Variants in MAGI1 observed in about 807,000 individuals in gnomAD.
MAGI1 encodes the protein membrane-associated guanylate kinase, WW and PDZ domain-containing protein 1.
MAGI1 carries 58 observed loss-of-function variants against 139.9 expected under a neutral mutation model. That is an observed-to-expected ratio of 0.41 (90% confidence interval 0.34 to 0.52). MAGI1 has a LOEUF of 0.52. MAGI1 is among the 20% of genes least tolerant of loss of function. The pLI is 0.12. For missense variants in MAGI1, 1,874 were observed against 1,901.6 expected, an observed-to-expected ratio of 0.99 and a Z score of 0.27; for synonymous variants, 812 against 737.9, an observed-to-expected ratio of 1.10 and a Z score of -1.63.
At chr3:65,795,085 A>T (rs776508207) in intron 1 of MAGI1, among the ~76,000 whole-genome samples, 2 of 152,246 alleles carry the variant, frequency 1.3e-5, no homozygotes, top group Non-Finnish European at 2.9e-5. Flanking sequence ...AAACAGTTTG[A>T]CACTTTCTTA....
chr3:65,563,820 T>A (rs2080479411), intron 2 of MAGI1, among the ~76,000 whole-genome samples: 1 of 152,210 alleles, frequency 6.6e-6, no homozygotes, highest in South Asian at 2.1e-4. Context: ...AGACAAATAT[T>A]GCTGGCAATT....
intron 2 of MAGI1, among the ~76,000 whole-genome samples, chr3:65,587,599 A>C (rs1354692350): frequency 7.2e-6 from 1 of 138,872 alleles, no homozygotes; most frequent in East Asian, 2.1e-4. Context: ...CCCAGCTTCC[A>C]CCTCTCAAGT....
chr3:65,678,996 C>T (rs554759145), intron 1 of MAGI1, among the ~76,000 whole-genome samples: 1 of 152,178 alleles, frequency 6.6e-6, no homozygotes, highest in East Asian at 1.9e-4. Flanking sequence ...TGACAGAATC[C>T]TTTTTTACTT....
chr3:65,611,198 T>C (rs1009066319), intron 2 of MAGI1, among the ~76,000 whole-genome samples: 1 of 141,758 alleles, frequency 7.1e-6, no homozygotes, highest in African/African-American at 2.5e-5. Flanking sequence ...GGTATATATG[T>C]GTGTATACAC....
Position 65,775,502 on chromosome 3 carries a change from C to CAA in MAGI1, c.314-153416_314-153415dup, listed in dbSNP as rs9311958. On this transcript the variant is annotated intron_variant, in intron 1 of 22. Transcript: ENST00000402939. ...TTTTTTCTCTTCTCACCCACTCTGC[C>CAA]AAAAAAAAAAAAAAAAAAAAAAAAA... 5.7e-4 allele frequency among the ~76,000 whole-genome samples: 21 copies of CAA among 36,602 alleles called. 1 individual carries two copies. Among genetic ancestry groups the CAA allele is most frequent in the South Asian group, 3.7e-3 (2 of 542 alleles). 24.0% of individuals were successfully genotyped at this position (36,602 alleles called of 152,430 possible).
intron 1 of MAGI1, among the ~76,000 whole-genome samples, chr3:65,697,062 A>C (rs1182834952): frequency 6.6e-6 from 1 of 152,212 alleles, no homozygotes; most frequent in Non-Finnish European, 1.5e-5. Context: ...ATCCCACAGA[A>C]ATACAAACTA....
chr3:65,486,829 T>A (rs1951668407), intron 3 of MAGI1, among the ~76,000 whole-genome samples: 1 of 152,174 alleles, frequency 6.6e-6, no homozygotes, highest in Non-Finnish European at 1.5e-5. Flanking sequence ...AGTTTCAGGA[T>A]GGAGTCCCTG....
At chr3:65,647,471 A>G (rs1223712460) in intron 1 of MAGI1, among the ~76,000 whole-genome samples, 1 of 152,146 alleles carries the variant, frequency 6.6e-6, no homozygotes, top group Non-Finnish European at 1.5e-5. Context: ...ACAAACCTAC[A>G]TGTAAGCATT....
chr3:65,942,593 T>C (rs1021234274), intron 1 of MAGI1, among the ~76,000 whole-genome samples: 2 of 152,242 alleles, frequency 1.3e-5, no homozygotes, highest in Admixed American at 1.3e-4. Context: ...TGTCACTTTC[T>C]GATTTTACAG....
intron 1 of MAGI1, among the ~76,000 whole-genome samples, chr3:65,848,288 G>A (rs1392469277): frequency 2.6e-5 from 4 of 152,152 alleles, no homozygotes; most frequent in Non-Finnish European, 5.9e-5. Flanking sequence ...TTAAAGTGGC[G>A]AGCTAAGTGA....
At chr3:65,767,824 C>T (rs2037613884) in intron 1 of MAGI1, among the ~76,000 whole-genome samples, 1 of 152,212 alleles carries the variant, frequency 6.6e-6, no homozygotes, top group Admixed American at 6.5e-5. Context: ...AGGGAAATCA[C>T]CTCTGCTTTA....
chr3:65,910,963 T>C (rs2061643263), intron 1 of MAGI1, among the ~76,000 whole-genome samples: 1 of 146,874 alleles, frequency 6.8e-6, no homozygotes, highest in Non-Finnish European at 1.5e-5. Flanking sequence ...GTTCAAGCGA[T>C]TCTCCTGCCT....
At chr3:65,473,581 G>A (rs1055066322) in intron 4 of MAGI1, among the ~76,000 whole-genome samples, 2 of 144,466 alleles carry the variant, frequency 1.4e-5, no homozygotes, top group African/African-American at 5.1e-5. Context: ...GAAAAGGGTA[G>A]TGCCACTACA....
chr3:65,598,002 G>A (rs372422832), intron 2 of MAGI1: 2 of 437,856 alleles, frequency 4.6e-6, no homozygotes, highest in East Asian at 7.0e-5. Flanking sequence ...GCGGTTTTTC[G>A]AGGGAAGAGG....
intron 1 of MAGI1, among the ~76,000 whole-genome samples, chr3:66,032,205 C>G (rs1166063198): frequency 7.6e-6 from 1 of 130,736 alleles, no homozygotes; most frequent in Non-Finnish European, 1.7e-5. Context: ...TTAGTGAGCA[C>G]CTATTATTTG....
intron 1 of MAGI1, among the ~76,000 whole-genome samples, chr3:65,877,660 A>G (rs2060167023): frequency 1.3e-5 from 2 of 152,154 alleles, no homozygotes; most frequent in Admixed American, 6.5e-5. Context: ...GGTTCAAGCA[A>G]TTCTCCTGCC....
At chr3:66,034,318 G>A (rs2068798550) in intron 1 of MAGI1, among the ~76,000 whole-genome samples, 1 of 152,176 alleles carries the variant, frequency 6.6e-6, no homozygotes, top group African/African-American at 2.4e-5. Context: ...ACAGGCTTTG[G>A]AATCAGACAG....
intron 1 of MAGI1, among the ~76,000 whole-genome samples, chr3:65,983,770 G>T (rs1163578437): frequency 6.6e-6 from 1 of 152,070 alleles, no homozygotes; most frequent in Non-Finnish European, 1.5e-5. Flanking sequence ...TCCAGGGTGG[G>T]TAACTTTGCC....
chr3:65,612,562 A>G (rs2083178713), intron 2 of MAGI1, among the ~76,000 whole-genome samples: 2 of 152,156 alleles, frequency 1.3e-5, no homozygotes, highest in Non-Finnish European at 2.9e-5. Flanking sequence ...TGTAGTGAAA[A>G]TAACACAATT....
Sources: allele counts gnomAD v4.1 joint callset (sites outside exome capture counted in the v4.1 genomes callset), GRCh38; gene constraint gnomAD v4.1.1; transcripts MANE v1.5; gene names NCBI Gene and HGNC (gene_info 2026-07-23, HGNC 2026-07-21).